AKT3: variants seen among roughly 807,000 people sequenced by gnomAD.
AKT3 encodes the protein AKT serine/threonine kinase 3.
In AKT3, 15 loss-of-function variants were observed where a neutral mutation model predicts 65.3. The observed-to-expected ratio is 0.23, with a 90% CI of 0.15 to 0.35. AKT3 has a LOEUF of 0.35. Ranked by LOEUF, AKT3 falls within the 10% of genes least tolerant of loss-of-function variation. AKT3 has a pLI of 1.00. For synonymous variants in AKT3, 206 were observed against 183.8 expected (o/e 1.12, Z -0.98); for missense variants, 243 against 576.5 (o/e 0.42, Z 5.92).
At chr1:243,603,001 C>T (rs1677122829) in intron 8 of AKT3, among the ~76,000 whole-genome samples, 1 of 152,116 alleles carries the variant, frequency 6.6e-6, no homozygotes, top group African/African-American at 2.4e-5. Context: ...ACTTCCTAAA[C>T]CAAAGAAAAC....
chr1:243,630,426 T>G (rs1031356214), intron 6 of AKT3, among the ~76,000 whole-genome samples: 1 of 152,074 alleles, frequency 6.6e-6, no homozygotes, highest in African/African-American at 2.4e-5. Flanking sequence ...AATACAATGG[T>G]AGAAAAGGCC....
At chr1:243,575,962 A>T (rs1472980686) in intron 8 of AKT3, among the ~76,000 whole-genome samples, 5 of 152,194 alleles carry the variant, frequency 3.3e-5, no homozygotes, top group African/African-American at 1.2e-4. Context: ...TTCTGGAAAA[A>T]AAAGATGAGA....
intron 3 of AKT3, among the ~76,000 whole-genome samples, chr1:243,694,004 T>C (rs1684895611): frequency 6.6e-6 from 1 of 152,162 alleles, no homozygotes. Flanking sequence ...GTGCAGCATT[T>C]ATTTCAGCCT....
intron 2 of AKT3, among the ~76,000 whole-genome samples, chr1:243,807,098 C>T (rs1692776131): frequency 6.6e-6 from 1 of 152,160 alleles, no homozygotes; most frequent in Non-Finnish European, 1.5e-5. Context: ...CTACAGATCC[C>T]AGTGTGAGCG....
At position 243,664,783 on chromosome 1, in the gene AKT3, A is replaced by G. The variant is rs1057522821; in HGVS notation, c.273T>C (p.Thr91=). Residue 91 remains threonine, a synonymous_variant, in exon 4 of 14, where the codon ACT becomes ACC. Coordinates refer to ENST00000673466, the MANE Select transcript of AKT3 (RefSeq NM_005465.7). ...AGTGAATTTCTTACCTTTCCTCTGG[A>G]GTATCTACATGAAATGTTCTCTCTA... ...TVIERTFHVD[T]PEEREEWTEA... The G allele has an allele frequency of 9.3e-6, 14 of 1,509,300 alleles. No homozygotes were observed. The highest frequency in any genetic ancestry group is 1.4e-5 in the African/African-American group (1 of 69,836). The allele number at this position is 1,509,300 out of a possible 1,614,324, so 93.5% of individuals were successfully genotyped here. A position where few individuals can be genotyped will look rare whatever the true frequency, so the allele number is the denominator to read the frequency against.
downstream of AKT3, among the ~76,000 whole-genome samples, chr1:243,496,295 CAGCTGCCG>C (rs1667851952): frequency 1.3e-5 from 2 of 152,328 alleles, no homozygotes; most frequent in South Asian, 4.1e-4. Flanking sequence ...CTGGCTGGAA[CAGCTGCCG>C]AGCCCTGGCC....
intron 5 of AKT3, among the ~76,000 whole-genome samples, chr1:243,642,327 T>C (rs1680457992): frequency 6.6e-6 from 1 of 152,246 alleles, no homozygotes; most frequent in Non-Finnish European, 1.5e-5. Flanking sequence ...TTGTTTGTTT[T>C]GAGACGGAGT....
intron 2 of AKT3, among the ~76,000 whole-genome samples, chr1:243,838,041 T>C (rs1695003520): frequency 6.6e-6 from 1 of 150,644 alleles, no homozygotes; most frequent in Admixed American, 6.6e-5. Context: ...ACAAAATCAA[T>C]ACATAAAACT....
intron 12 of AKT3, 77 bp from the exon 13 acceptor site, chr1:243,512,503 G>A (rs1670080049): frequency 3.4e-6 from 3 of 871,640 alleles, no homozygotes; most frequent in Non-Finnish European, 5.4e-6. Flanking sequence ...AAAGCAGAGA[G>A]CACGTAGTTA....
chr1:243,490,518 G>A (rs1352080181), intron 13 of AKT3, among the ~76,000 whole-genome samples: 1 of 152,244 alleles, frequency 6.6e-6, no homozygotes, highest in Non-Finnish European at 1.5e-5. Flanking sequence ...AATTATTCCA[G>A]GTTGTGTCAC....
chr1:243,592,131 C>T (rs138645612), intron 8 of AKT3, among the ~76,000 whole-genome samples: 2,683 of 152,026 alleles, frequency 0.018, 43 homozygotes, highest in South Asian at 0.074. Context: ...GTCAGGAGAT[C>T]GAGACCATCC....
intron 10 of AKT3, among the ~76,000 whole-genome samples, chr1:243,554,297 G>A (rs577223226): frequency 8.8e-4 from 134 of 152,184 alleles, no homozygotes; most frequent in African/African-American, 3.2e-3. Flanking sequence ...ATCAATGTTT[G>A]TTTTACGGCT....
intron 4 of AKT3, among the ~76,000 whole-genome samples, chr1:243,660,988 TCCAACTTACAAGGGATGTGAAGGA>T (rs1420863261): frequency 1.3e-5 from 2 of 152,106 alleles, no homozygotes. Flanking sequence ...TACCTAGGAA[TCCAACTTACAAGGGATGTGAAGGA>T]CCTCTTCAAG....
chr1:243,828,206 T>C (rs548385076), intron 2 of AKT3, among the ~76,000 whole-genome samples: 3 of 152,292 alleles, frequency 2.0e-5, no homozygotes, highest in African/African-American at 4.8e-5. Context: ...GATTATTAAA[T>C]AGTTATTTAC....
intron 2 of AKT3, among the ~76,000 whole-genome samples, chr1:243,731,445 C>T (rs1687561717): frequency 6.6e-6 from 1 of 152,168 alleles, no homozygotes; most frequent in Non-Finnish European, 1.5e-5. Context: ...CTCAGTACAG[C>T]AACAGTAACT....
intron 4 of AKT3, among the ~76,000 whole-genome samples, chr1:243,656,634 G>T (rs1402832088): frequency 6.6e-6 from 1 of 152,202 alleles, no homozygotes; most frequent in Non-Finnish European, 1.5e-5. Flanking sequence ...AGGGACAAAA[G>T]GGCAAGAAGG....
At chr1:243,629,007 T>C (rs544298390) in intron 6 of AKT3, among the ~76,000 whole-genome samples, 6 of 152,354 alleles carry the variant, frequency 3.9e-5, no homozygotes, top group East Asian at 1.9e-4. Context: ...CCAGGCATGG[T>C]GGCTCACGCC....
At chr1:243,557,222 T>C (rs1673469145) in intron 10 of AKT3, among the ~76,000 whole-genome samples, 1 of 152,124 alleles carries the variant, frequency 6.6e-6, no homozygotes, top group Non-Finnish European at 1.5e-5. Flanking sequence ...ATAGACATTA[T>C]GGGATTCCAA....
intron 5 of AKT3, among the ~76,000 whole-genome samples, chr1:243,641,210 G>A (rs1360751622): frequency 1.3e-5 from 2 of 149,536 alleles, no homozygotes; most frequent in African/African-American, 5.1e-5. Context: ...GGAACCTTGT[G>A]ATCGTGTGTT....
Sources: allele counts gnomAD v4.1 joint callset (sites outside exome capture counted in the v4.1 genomes callset), GRCh38; gene constraint gnomAD v4.1.1; transcripts MANE v1.5; gene names NCBI Gene and HGNC (gene_info 2026-07-23, HGNC 2026-07-21).